The following PTCHD4 variants were observed in gnomAD, a reference collection of about 807,000 sequenced individuals.
PTCHD4 encodes patched domain-containing protein 4.
A neutral mutation model predicts 58.1 loss-of-function variants in PTCHD4; 33 were observed. The observed-to-expected ratio is 0.57, with a 90% confidence interval of 0.43 to 0.76. PTCHD4 has a LOEUF of 0.76. PTCHD4 is among the 30% of genes least tolerant of loss of function. PTCHD4 has a pLI of 0.00. For synonymous variants in PTCHD4, 478 were observed against 409.6 expected (o/e 1.17, Z -2.02); for missense variants, 1,058 against 1,027.1 (o/e 1.03, Z -0.41).
Position 48,086,458 on chromosome 6 carries a change from CAA to C in PTCHD4, c.-969-16534_-969-16533del, listed in dbSNP as rs199629392. Among the ~76,000 whole-genome samples the C allele has an allele frequency of 3.3e-4, 47 of 144,448 alleles. No individual in the cohort carries two copies. The South Asian group carries it at 7.5e-3, about 23-fold the overall frequency. The allele number at this position is 144,448 out of a possible 152,430, so 94.8% of individuals were successfully genotyped here. The stretch of plus-strand genomic sequence containing the variant: ...TCTTTAATAAAAGTCTAGTATCCAT[CAA>C]AAAAAAAAATCAAAAAAATTCAAAT... On this transcript the variant is annotated intron_variant, in intron 1 of 4. Coordinates refer to ENST00000339488, the MANE Select transcript of PTCHD4 (RefSeq NM_001384253.1).
chr6:47,942,615 T>C (rs1025015925), intron 4 of PTCHD4, among the ~76,000 whole-genome samples: 2 of 152,186 alleles, frequency 1.3e-5, no homozygotes, highest in Admixed American at 1.3e-4. Context: ...GTCTTTTCAG[T>C]GACAGAGCAA....
chr6:47,926,120 A>G (rs929782335), intron 4 of PTCHD4, among the ~76,000 whole-genome samples: 1 of 152,200 alleles, frequency 6.6e-6, no homozygotes, highest in Non-Finnish European at 1.5e-5. Flanking sequence ...TCAACATTGT[A>G]AATGCAATTG....
chr6:47,989,168 C>T (rs1473881809), intron 4 of PTCHD4, among the ~76,000 whole-genome samples: 2 of 152,144 alleles, frequency 1.3e-5, no homozygotes, highest in South Asian at 2.1e-4. Context: ...ATTTGTGGAA[C>T]TTTGAGCTTG....
At chr6:48,045,557 A>AGCTAATAT (rs1358579558) in intron 3 of PTCHD4, among the ~76,000 whole-genome samples, 1 of 151,740 alleles carries the variant, frequency 6.6e-6, no homozygotes, top group African/African-American at 2.4e-5. Context: ...AGAGCATAAG[A>AGCTAATAT]GCTAATATTT....
In PTCHD4 at chr6:48,069,851, A is replaced by G. The variant is rs1319653315; in HGVS notation, c.-894T>C. ...TCACCCATGAGGACTGTTTCAAGCC[A>G]TCTGGTTCAGGCTAATTTTCCCCTG... On this transcript the variant is annotated 5_prime_UTR_variant, in exon 2 of 5. It removes an upstream start codon present in the reference 5' UTR. Transcript: ENST00000339488. Among the ~76,000 whole-genome samples, 1 of 152,144 alleles carries G rather than the reference A, an allele frequency of 6.6e-6. No individual in the cohort carries two copies. The highest frequency in any genetic ancestry group is 1.5e-5 in the Non-Finnish European group (1 of 68,034).
At position 47,865,389 on chromosome 6, in the gene PTCHD4, A is replaced by G. The variant is rs754944576; in HGVS notation, c.*12914T>C. Among the ~76,000 whole-genome samples the G allele has an allele frequency of 2.6e-5, 4 of 151,932 alleles. No individual in the cohort carries two copies. The highest frequency in any genetic ancestry group is 4.8e-5 in the African/African-American group (2 of 41,416). On this transcript the variant is annotated 3_prime_UTR_variant, in exon 5 of 5. Coordinates refer to ENST00000339488, the MANE Select transcript of PTCHD4 (RefSeq NM_001384253.1). ...AAGCAATTTCCTGAAAATTTGTGGT[A>G]AAGCTTTACAAATGTTATAAAAATG...
chr6:47,913,111 G>T (rs1480493950), intron 4 of PTCHD4, among the ~76,000 whole-genome samples: 1 of 152,068 alleles, frequency 6.6e-6, no homozygotes, highest in Non-Finnish European at 1.5e-5. Context: ...CCTGGGTCCA[G>T]TCCTGGCCCT....
intron 4 of PTCHD4, among the ~76,000 whole-genome samples, chr6:47,906,995 T>C (rs767122722): frequency 6.6e-6 from 1 of 152,214 alleles, no homozygotes. Flanking sequence ...CCTCCCATCT[T>C]TGTTTTCCAA....
At chr6:47,910,623 C>T (rs1457939701) in intron 4 of PTCHD4, among the ~76,000 whole-genome samples, 1 of 152,042 alleles carries the variant, frequency 6.6e-6, no homozygotes, top group Non-Finnish European at 1.5e-5. Flanking sequence ...CTACTGACTC[C>T]TTGTGAGTCT....
chr6:48,110,241 T>A (rs1175577251), intron 1 of PTCHD4, among the ~76,000 whole-genome samples: 1 of 152,208 alleles, frequency 6.6e-6, no homozygotes, highest in East Asian at 1.9e-4. Context: ...GATTTTAAAA[T>A]GTGGTATGTG....
chr6:47,998,926 A>C (rs1455483432), intron 4 of PTCHD4, among the ~76,000 whole-genome samples: 1 of 152,212 alleles, frequency 6.6e-6, no homozygotes, highest in East Asian at 1.9e-4. Context: ...TATCTAAGCT[A>C]AAAACAACCA....
At chr6:47,997,182 CT>C (rs1323445124) in intron 4 of PTCHD4, among the ~76,000 whole-genome samples, 10 of 152,116 alleles carry the variant, frequency 6.6e-5, no homozygotes. Flanking sequence ...TTTCAGTGAT[CT>C]CTTTTGTGTG....
Position 48,069,023 on chromosome 6 carries a change from G to A in PTCHD4, c.-66C>T, listed in dbSNP as rs1764911399. Among the ~76,000 whole-genome samples the A allele has an allele frequency of 2.6e-5, 4 of 151,066 alleles. No individual in the cohort carries two copies. In the South Asian group the frequency reaches 8.5e-4, roughly 32 times the overall value. On this transcript the variant is annotated 5_prime_UTR_variant, in exon 2 of 5. Coordinates refer to ENST00000339488, the MANE Select transcript of PTCHD4 (RefSeq NM_001384253.1). ...CAGTCCCCTGGCCTCCCTCGCTGGA[G>A]GTGGTTCCGTGTGGAGCGTCCCACA...
At chr6:47,912,916 G>C (rs1049626700) in intron 4 of PTCHD4, among the ~76,000 whole-genome samples, 6 of 152,170 alleles carry the variant, frequency 3.9e-5, no homozygotes, top group Middle Eastern at 3.4e-3. Flanking sequence ...TTTTAGTCTA[G>C]CTTTTCTATC....
At chr6:48,028,562 T>G (rs1013443344) in intron 3 of PTCHD4, among the ~76,000 whole-genome samples, 1 of 152,122 alleles carries the variant, frequency 6.6e-6, no homozygotes, top group African/African-American at 2.4e-5. Context: ...TACAATTTGT[T>G]TTTTTCTCTA....
chr6:47,904,841 A>G (rs1764825373), intron 4 of PTCHD4, among the ~76,000 whole-genome samples: 1 of 152,212 alleles, frequency 6.6e-6, no homozygotes, highest in Non-Finnish European at 1.5e-5. Flanking sequence ...AAAGCTCTAA[A>G]TGCTATGAAG....
chr6:47,988,935 A>G (rs549490782), intron 4 of PTCHD4, among the ~76,000 whole-genome samples: 2 of 152,334 alleles, frequency 1.3e-5, no homozygotes, highest in Admixed American at 1.3e-4. Flanking sequence ...AGGTTGGAAA[A>G]GTTTGGAGGG....
intron 3 of PTCHD4, among the ~76,000 whole-genome samples, chr6:48,018,299 C>T (rs1051517329): frequency 6.6e-6 from 1 of 152,144 alleles, no homozygotes; most frequent in African/African-American, 2.4e-5. Flanking sequence ...AAAAGTGTCG[C>T]TTACATTATC....
In PTCHD4 at chr6:48,068,687, C is replaced by A. The variant is rs1417113753; in HGVS notation, c.6-46G>T. On this transcript the variant is annotated intron_variant, in intron 2 of 4. Coordinates refer to ENST00000339488, the MANE Select transcript of PTCHD4 (RefSeq NM_001384253.1). The surrounding 1 kb of genome is among the most constrained non-coding windows in gnomAD (Gnocchi z 4.2). ...TGTGTAAGCGCCGGGCTACCCCGTT[C>A]TCCCCCATCCCACCCCCTGGGGCCA... The A allele has an allele frequency of 2.3e-5, 35 of 1,492,898 alleles. No individual in the cohort carries two copies. Among genetic ancestry groups the A allele is most frequent in the Non-Finnish European group, 3.0e-5 (34 of 1,123,596 alleles). 92.5% of individuals were successfully genotyped at this position (1,492,898 alleles called of 1,614,324 possible). A position where few individuals can be genotyped will look rare whatever the true frequency, so the allele number is the denominator to read the frequency against.
Sources: gnomAD v4.1 joint callset for allele counts (sites outside exome capture counted in the v4.1 genomes callset) on GRCh38, gnomAD v4.1.1 for gene constraint, Gnocchi (gnomAD v3.1) non-coding constraint, MANE v1.5 for transcripts, NCBI Gene and HGNC (gene_info 2026-07-23, HGNC 2026-07-21) for gene names.